Variants in DIS3L2 observed in about 807,000 individuals in gnomAD.
DIS3L2 encodes DIS3 like 3'-5' exoribonuclease 2, also known as DIS3-like exonuclease 2.
DIS3L2 carries 34 observed loss-of-function variants against 97.5 expected under a neutral mutation model. The observed-to-expected ratio is 0.35, with a 90% CI of 0.27 to 0.46. The LOEUF (loss-of-function observed/expected upper bound fraction) is 0.46. Among genes scored for constraint, DIS3L2 ranks in the 20% least tolerant of loss-of-function variants. DIS3L2 has a pLI of 1.00. For synonymous variants in DIS3L2, 435 were observed against 445.2 expected, an observed-to-expected ratio of 0.98 and a Z score of 0.29; for missense variants, 1,038 against 1,146.0, an observed-to-expected ratio of 0.91 and a Z score of 1.36.
At chr2:232,108,725 C>T (rs931175833) in intron 6 of DIS3L2, among the ~76,000 whole-genome samples, 2 of 152,188 alleles carry the variant, frequency 1.3e-5, no homozygotes, top group African/African-American at 4.8e-5. Context: ...GATACAAAAT[C>T]AGTGTGCAAA....
At chr2:231,975,820 G>T (rs1348966719) in intron 1 of DIS3L2, among the ~76,000 whole-genome samples, 16 of 151,606 alleles carry the variant, frequency 1.1e-4, no homozygotes, top group Admixed American at 1.1e-3. Context: ...GAGAAAGAAA[G>T]CTCCCTTAGA....
chr2:232,148,505 C>A (rs1690289965), intron 8 of DIS3L2, among the ~76,000 whole-genome samples: 1 of 152,118 alleles, frequency 6.6e-6, no homozygotes, highest in Non-Finnish European at 1.5e-5. Context: ...AAATAAGGAA[C>A]TTGAGAAATG....
At chr2:232,131,715 A>T (rs555179957) in intron 7 of DIS3L2, 6 of 152,250 alleles carry the variant, frequency 3.9e-5, no homozygotes, top group African/African-American at 1.4e-4. Flanking sequence ...ATGGGAATGC[A>T]GTGTGCTTAC....
rs1491319157 is a variant in DIS3L2 at position 232,270,860 on chromosome 2, G to GTCCCTCTCTCTCTC, written c.1659+7422_1659+7423insCCTCTCTCTCTCTC. The stretch of plus-strand genomic sequence containing the variant: ...CGCACTCGCGCGCTCTCTTTTTCTC[G>GTCCCTCTCTCTCTC]TCTCTCTCTCTCTCTCTCTCTCTCT... On this transcript the variant is annotated intron_variant, in intron 13 of 20. Coordinates refer to ENST00000325385, the MANE Select transcript of DIS3L2 (RefSeq NM_152383.5). Among the ~76,000 whole-genome samples the GTCCCTCTCTCTCTC allele has an allele frequency of 9.0e-4, 93 of 103,862 alleles. 5 individuals carry two copies. The East Asian group carries it at 0.012, about 13-fold the overall frequency. The allele number at this position is 103,862 out of a possible 152,430, so 68.1% of individuals were successfully genotyped here.
intron 5 of DIS3L2, among the ~76,000 whole-genome samples, chr2:232,081,784 A>G (rs897831219): frequency 3.3e-5 from 5 of 151,920 alleles, no homozygotes; most frequent in African/African-American, 9.7e-5. Flanking sequence ...GGAGTCCCAC[A>G]CCTTTACTTT....
chr2:232,239,278 A>G (rs1693016132), intron 11 of DIS3L2, among the ~76,000 whole-genome samples: 1 of 152,184 alleles, frequency 6.6e-6, no homozygotes, highest in Non-Finnish European at 1.5e-5. Flanking sequence ...CATTCTGTGT[A>G]CTTGGACCTG....
rs1690263113 is a variant in DIS3L2 at position 232,147,932 on chromosome 2, T to C, written c.950+11213T>C. 4.6e-5 allele frequency among the ~76,000 whole-genome samples: 7 copies of C among 150,936 alleles called. No individual in the cohort carries two copies. In the South Asian group the frequency reaches 1.5e-3, roughly 32 times the overall value. On this transcript the variant is annotated intron_variant, in intron 8 of 20. Coordinates refer to ENST00000325385, the MANE Select transcript of DIS3L2 (RefSeq NM_152383.5). ...CAGGATAGGATTCTCTTTTCTCTTCTCTTCCCTTCCCTTCCCTCCCCTCCC... is the reference window on the plus strand; with the variant it reads ...CAGGATAGGATTCTCTTTTCTCTTCCCTTCCCTTCCCTTCCCTCCCCTCCC...
chr2:232,166,380 G>A (rs969866466), intron 9 of DIS3L2, among the ~76,000 whole-genome samples: 1 of 152,124 alleles, frequency 6.6e-6, no homozygotes, highest in African/African-American at 2.4e-5. Context: ...AAGACAGAAG[G>A]AGTTTGTAGG....
intron 9 of DIS3L2, among the ~76,000 whole-genome samples, chr2:232,195,820 T>C (rs1259669842): frequency 1.3e-5 from 2 of 152,188 alleles, no homozygotes; most frequent in Non-Finnish European, 2.9e-5. Flanking sequence ...TGGGGAATCT[T>C]GTGGCTCCTG....
At chr2:232,280,764 C>T (rs1210553777) in intron 13 of DIS3L2, among the ~76,000 whole-genome samples, 1 of 152,124 alleles carries the variant, frequency 6.6e-6, no homozygotes. Context: ...ACACTGCAGC[C>T]GAAGTGCTCA....
At chr2:232,339,634 C>G, downstream of DIS3L2, 2 of 441,904 alleles carry the variant, frequency 4.5e-6, no homozygotes, top group South Asian at 3.2e-5. Flanking sequence ...GCAGGGTGTT[C>G]AGAGAACAAG....
chr2:232,266,897 T>C (rs1447069189), intron 13 of DIS3L2, among the ~76,000 whole-genome samples: 2 of 152,196 alleles, frequency 1.3e-5, no homozygotes, highest in Non-Finnish European at 2.9e-5. Context: ...ATCATGCCCT[T>C]AGGTTCAGAA....
intron 5 of DIS3L2, among the ~76,000 whole-genome samples, chr2:232,034,329 C>G (rs918136557): frequency 2.0e-5 from 3 of 151,888 alleles, no homozygotes; most frequent in Admixed American, 6.6e-5. Flanking sequence ...TTATCATTTT[C>G]TAATGCGTCT....
chr2:232,155,516 T>C (rs1266974177), intron 8 of DIS3L2, among the ~76,000 whole-genome samples: 3 of 152,242 alleles, frequency 2.0e-5, no homozygotes, highest in African/African-American at 7.2e-5. Context: ...GTAACTCCAC[T>C]AGAATATATT....
chr2:232,011,498 G>A (rs1255304643), intron 1 of DIS3L2, among the ~76,000 whole-genome samples: 5 of 151,652 alleles, frequency 3.3e-5, no homozygotes, highest in Non-Finnish European at 2.9e-5. Flanking sequence ...GAGTACAGGC[G>A]TGCACCACCA....
chr2:232,014,340 T>C (rs1325681728), intron 1 of DIS3L2, among the ~76,000 whole-genome samples: 2 of 152,222 alleles, frequency 1.3e-5, no homozygotes. Context: ...GACGTCAAGT[T>C]GTGACAATGA....
At chr2:232,251,237 A>G (rs941791977) in intron 12 of DIS3L2, among the ~76,000 whole-genome samples, 1 of 152,226 alleles carries the variant, frequency 6.6e-6, no homozygotes, top group Non-Finnish European at 1.5e-5. Context: ...AACAAAACAC[A>G]CTAGCAGGGA....
intron 8 of DIS3L2, among the ~76,000 whole-genome samples, chr2:232,161,391 A>C (rs528637219): frequency 3.9e-5 from 6 of 152,242 alleles, no homozygotes; most frequent in Admixed American, 6.5e-5. Flanking sequence ...TCCAACCACT[A>C]TTTTAGCTAC....
chr2:231,984,183 A>G (rs989728063), intron 1 of DIS3L2, among the ~76,000 whole-genome samples: 1 of 151,910 alleles, frequency 6.6e-6, no homozygotes, highest in Non-Finnish European at 1.5e-5. Flanking sequence ...GGCTTTTCCT[A>G]TTCTTAAGTT....
Sources: allele counts gnomAD v4.1 joint callset (sites outside exome capture counted in the v4.1 genomes callset), GRCh38; gene constraint gnomAD v4.1.1; transcripts MANE v1.5; gene names NCBI Gene and HGNC (gene_info 2026-07-23, HGNC 2026-07-21).